The following CARD8 variants were observed in gnomAD, a reference collection of about 807,000 sequenced individuals.
The protein encoded by CARD8 is caspase recruitment domain-containing protein 8.
In CARD8, 38 loss-of-function variants were observed where a neutral mutation model predicts 53.2. That is an observed-to-expected ratio of 0.71 (90% CI 0.55 to 0.94). The LOEUF (loss-of-function observed/expected upper bound fraction) is 0.94, where lower values mean the gene tolerates loss of function less well. Ranked by LOEUF, CARD8 falls within the 40% of genes least tolerant of loss-of-function variation. CARD8 has a pLI of 0.00. For synonymous variants in CARD8, 245 were observed against 244.9 expected, an observed-to-expected ratio of 1.00 and a Z score of 0.00; for missense variants, 561 against 655.5, an observed-to-expected ratio of 0.86 and a Z score of 1.57.
At chr19:48,245,361 C>T (rs2146888994) in intron 3 of CARD8, among the ~76,000 whole-genome samples, 1 of 152,184 alleles carries the variant, frequency 6.6e-6, no homozygotes, top group South Asian at 2.1e-4. Context: ...AGACATGCAC[C>T]ACCATGCCTG....
At chr19:48,219,742 G>A (rs1048063431) in intron 11 of CARD8, among the ~76,000 whole-genome samples, 2 of 152,120 alleles carry the variant, frequency 1.3e-5, no homozygotes, top group African/African-American at 4.8e-5. Context: ...AGACTGAGGT[G>A]ACCGATTGCT....
At chr19:48,205,601 T>C (rs1388872411), downstream of CARD8, among the ~76,000 whole-genome samples, 1 of 152,158 alleles carries the variant, frequency 6.6e-6, no homozygotes, top group African/African-American at 2.4e-5. Flanking sequence ...ATGAGTGCTG[T>C]TGAGGCATCC....
chr19:48,203,986 G>A (rs918788110), downstream of CARD8: 1 of 339,524 alleles, frequency 2.9e-6, no homozygotes, highest in South Asian at 2.1e-5. Context: ...TAGAACCCGC[G>A]GGCCCAGAGC....
intron 10 of CARD8, among the ~76,000 whole-genome samples, chr19:48,223,266 T>C (rs1475446424): frequency 6.6e-6 from 1 of 150,884 alleles, no homozygotes; most frequent in Non-Finnish European, 1.5e-5. Context: ...ATCGCACCAC[T>C]GTACTCCAGC....
At position 48,234,406 on chromosome 19, in the gene CARD8, G is replaced by C. The variant is rs1210931167; in HGVS notation, c.347C>G (p.Pro116Arg). 3.7e-6 allele frequency: 6 copies of C among 1,608,444 alleles called. No individual in the cohort carries two copies. The highest frequency in any genetic ancestry group is 1.3e-5 in the African/African-American group (1 of 74,580). The change falls in exon 6 of 14, where the codon CCC becomes CGC. Residue 116 changes from proline (P) to arginine (R), a missense_variant. Pro to Arg is a moderately radical substitution (Grantham distance 103). Coordinates refer to ENST00000651546, the MANE Select transcript of CARD8 (RefSeq NM_001184900.3). Reference sequence around the variant, plus strand: ...CCAACGGAATAGCTTTTCTTACCTGGGAATGTCCCCCCCAGATAGTTGACA... The same window carrying C: ...CCAACGGAATAGCTTTTCTTACCTGCGAATGTCCCCCCCAGATAGTTGACA... Reference protein sequence around the residue: ...PECQLSGGDIPSVSEEQESSE... With the variant: ...PECQLSGGDIRSVSEEQESSE...
chr19:48,203,954 C>A, downstream of CARD8: 1 of 300,076 alleles, frequency 3.3e-6, no homozygotes, highest in Non-Finnish European at 6.7e-6. Flanking sequence ...AGTCCCTTTG[C>A]TGAGTGTGAG....
At chr19:48,206,675 A>AG (rs1178406668), downstream of CARD8, among the ~76,000 whole-genome samples, 3 of 151,476 alleles carry the variant, frequency 2.0e-5, no homozygotes, top group Non-Finnish European at 2.9e-5. Flanking sequence ...CACTGCAGTC[A>AG]GGGGCTCTTG....
Position 48,232,083 on chromosome 19 carries a change from G to A in CARD8, c.392-273C>T, listed in dbSNP as rs2043009213. 11 of 562,836 alleles carry A rather than the reference G, an allele frequency of 2.0e-5. No homozygotes were observed. The South Asian group carries it at 2.1e-4, about 11-fold the overall frequency. 34.9% of individuals were successfully genotyped at this position (562,836 alleles called of 1,614,324 possible). On this transcript the variant is annotated intron_variant, in intron 7 of 13. Transcript: ENST00000651546. Reference sequence around the variant, plus strand: ...TTGGTGGGAGGCACCATTTGCTGAGGACTGGAACCAATGCACCTACATTTC... The same window carrying A: ...TTGGTGGGAGGCACCATTTGCTGAGAACTGGAACCAATGCACCTACATTTC...
chr19:48,222,451 G>A (rs981860604), intron 10 of CARD8, among the ~76,000 whole-genome samples: 2 of 152,188 alleles, frequency 1.3e-5, no homozygotes, highest in South Asian at 2.1e-4. Flanking sequence ...AGCGCTTTGG[G>A]AGGCCGAGGT....
downstream of CARD8, chr19:48,206,382 A>C (rs897905194): frequency 6.7e-6 from 3 of 450,990 alleles, no homozygotes; most frequent in Non-Finnish European, 1.3e-5. Context: ...GGAAGCGCCT[A>C]CCGTATTGGA....
intron 10 of CARD8, among the ~76,000 whole-genome samples, chr19:48,230,082 C>T (rs1186576344): frequency 1.3e-5 from 2 of 152,160 alleles, no homozygotes; most frequent in Non-Finnish European, 2.9e-5. Flanking sequence ...CAGTTCACTC[C>T]AGCCTGGGTG....
In CARD8 at chr19:48,230,476, G is replaced by A. The variant is rs1251845670; in HGVS notation, c.997C>T (p.His333Tyr). The A allele has an allele frequency of 2.5e-6, 4 of 1,613,464 alleles. No individual in the cohort carries two copies. The highest frequency in any genetic ancestry group is 3.3e-5 in the Admixed American group (2 of 59,970). Residue 333 changes from histidine (H) to tyrosine (Y), a missense_variant, in exon 10 of 14, where the codon CAC (histidine) becomes TAC (tyrosine). Physicochemically the swap from His to Tyr is moderately conservative, Grantham distance 83 (BLOSUM62 2). Coordinates refer to ENST00000651546, the MANE Select transcript of CARD8 (RefSeq NM_001184900.3). ...YHPHPEDIKF[H>Y]LYLVPSDALL... is the part of the protein sequence containing the mutation. ...GCGTCGCTGGGGACAAGGTACAAGT[G>A]GAACTTAATATCTTCGGGGTGGGGG...
chr19:48,223,862 A>G, intron 10 of CARD8: 1 of 456,262 alleles, frequency 2.2e-6, no homozygotes, highest in South Asian at 1.5e-5. Context: ...AGCCTCTAAA[A>G]TAGTGTCTGG....
At chr19:48,212,941 G>A (rs2038321421) in intron 13 of CARD8, 1 of 152,270 alleles carries the variant, frequency 6.6e-6, no homozygotes, top group Non-Finnish European at 1.5e-5. Context: ...TGCCATCTCA[G>A]AAGGTGCTCT....
At chr19:48,231,352 T>C (rs1177451165) in intron 8 of CARD8, among the ~76,000 whole-genome samples, 2 of 152,210 alleles carry the variant, frequency 1.3e-5, no homozygotes, top group African/African-American at 4.8e-5. Context: ...TCTCCTAGGC[T>C]GCAGTGCAGT....
intron 1 of CARD8, 58 bp from the exon 2 acceptor site, chr19:48,249,905 C>T (rs1208687849): frequency 6.6e-6 from 1 of 152,160 alleles, no homozygotes; most frequent in African/African-American, 2.4e-5. Flanking sequence ...TGGGGCCCTC[C>T]GCTTGTTGAA....
intron 5 of CARD8, among the ~76,000 whole-genome samples, chr19:48,236,994 T>G (rs1297529321): frequency 6.6e-6 from 1 of 152,076 alleles, no homozygotes; most frequent in Non-Finnish European, 1.5e-5. Flanking sequence ...CAGGCTGGTT[T>G]CAAACTCCCG....
intron 10 of CARD8, 129 bp downstream of exon 10, chr19:48,230,309 G>A (rs930057305): frequency 2.0e-6 from 2 of 1,012,128 alleles, no homozygotes; most frequent in African/African-American, 1.6e-5. Context: ...CTCAGGAAGG[G>A]TGACTCCTGC....
chr19:48,241,083 T>C lies in CARD8; in HGVS notation c.-43-20A>G. 2 of 1,334,884 alleles carry C rather than the reference T, an allele frequency of 1.5e-6. No homozygotes were observed. The highest frequency in any genetic ancestry group is 2.1e-6 in the Non-Finnish European group (2 of 965,286). 82.7% of individuals were successfully genotyped at this position (1,334,884 alleles called of 1,614,324 possible). ...TTTACCCTGAAAAAATAAAAGGAGGTTGTATTTAGGTACTTGGGAAGAACC... is the reference window on the plus strand; with the variant it reads ...TTTACCCTGAAAAAATAAAAGGAGGCTGTATTTAGGTACTTGGGAAGAACC... On this transcript the variant is annotated intron_variant, in intron 3 of 13. Coordinates refer to ENST00000651546, the MANE Select transcript of CARD8 (RefSeq NM_001184900.3).
Sources: gnomAD v4.1 joint callset for allele counts (sites outside exome capture counted in the v4.1 genomes callset) on GRCh38, gnomAD v4.1.1 for gene constraint, MANE v1.5 for transcripts, NCBI Gene and HGNC (gene_info 2026-07-23, HGNC 2026-07-21) for gene names.